The following AP1S3 variants were observed in gnomAD, a reference collection of about 807,000 sequenced individuals.
AP1S3 encodes adaptor related protein complex 1 subunit sigma 3.
Under a neutral mutation model 20.9 loss-of-function variants are expected in AP1S3, and 10 were observed. The observed-to-expected ratio is 0.48, with a 90% CI of 0.29 to 0.81. The LOEUF (loss-of-function observed/expected upper bound fraction) is 0.81. AP1S3 is among the 30% of genes least tolerant of loss of function. The probability of loss-of-function intolerance (pLI) is 0.08; values close to 1 mark genes in which losing one functional copy is unlikely to be tolerated. For missense variants in AP1S3, 154 were observed against 183.8 expected, an observed-to-expected ratio of 0.84 and a Z score of 0.94; for synonymous variants, 41 against 61.5, an observed-to-expected ratio of 0.67 and a Z score of 1.56.
At chr2:223,829,066 C>T (rs545446328) in intron 1 of AP1S3, among the ~76,000 whole-genome samples, 9 of 152,048 alleles carry the variant, frequency 5.9e-5, no homozygotes, top group East Asian at 3.9e-4. Flanking sequence ...GAACTCCTGA[C>T]GTGGTGATCC....
chr2:223,832,007 G>C (rs529559403), intron 1 of AP1S3, among the ~76,000 whole-genome samples: 25 of 152,030 alleles, frequency 1.6e-4, no homozygotes, highest in African/African-American at 5.8e-4. Flanking sequence ...AACCCGGGAG[G>C]CAGCGCTTGC....
At position 223,806,408 on chromosome 2, in the gene AP1S3, C is replaced by T. The variant is rs572128757; in HGVS notation, c.4-28539G>A. Among the ~76,000 whole-genome samples, 26 of 151,172 alleles carry T rather than the reference C, an allele frequency of 1.7e-4. 1 individual carries two copies. The South Asian group carries it at 5.4e-3, about 31-fold the overall frequency. On this transcript the variant is annotated intron_variant, in intron 1 of 4. Transcript: ENST00000396654. ...ACACCATTCTCCTGCCTCAACCTCT[C>T]GAGTAGGTGGGACTACAGGCGCTCG...
chr2:223,793,538 C>T (rs1691257360), intron 1 of AP1S3, among the ~76,000 whole-genome samples: 1 of 151,982 alleles, frequency 6.6e-6, no homozygotes, highest in Non-Finnish European at 1.5e-5. Context: ...CACATGGACA[C>T]ATTGGGGGGA....
intron 1 of AP1S3, among the ~76,000 whole-genome samples, chr2:223,790,143 G>A (rs1237247423): frequency 1.3e-5 from 2 of 151,696 alleles, no homozygotes; most frequent in African/African-American, 4.8e-5. Context: ...AAGACAAGAT[G>A]TCTACATCCA....
intron 1 of AP1S3, among the ~76,000 whole-genome samples, chr2:223,802,915 T>A (rs983156539): frequency 6.6e-6 from 1 of 152,202 alleles, no homozygotes; most frequent in Non-Finnish European, 1.5e-5. Flanking sequence ...GCTACATAAA[T>A]CAATATATGG....
intron 1 of AP1S3, among the ~76,000 whole-genome samples, chr2:223,794,385 T>A (rs1371695087): frequency 6.6e-6 from 1 of 151,958 alleles, no homozygotes; most frequent in Non-Finnish European, 1.5e-5. Flanking sequence ...ACAAAATAAA[T>A]TATCCAGGAG....
intron 1 of AP1S3, among the ~76,000 whole-genome samples, chr2:223,780,118 T>C (rs1158683757): frequency 6.6e-6 from 1 of 151,448 alleles, no homozygotes; most frequent in African/African-American, 2.4e-5. Flanking sequence ...CTCCCCCGGC[T>C]GCCTCACCAC....
At chr2:223,762,146 T>A (rs1488016823) in intron 4 of AP1S3, among the ~76,000 whole-genome samples, 3 of 151,832 alleles carry the variant, frequency 2.0e-5, no homozygotes, top group Non-Finnish European at 4.4e-5. Flanking sequence ...CTAATTTTTG[T>A]ATTTTTAGTA....
chr2:223,800,937 G>C (rs569353221), intron 1 of AP1S3, among the ~76,000 whole-genome samples: 1 of 152,328 alleles, frequency 6.6e-6, no homozygotes, highest in East Asian at 1.9e-4. Context: ...CAGTGGTACA[G>C]TTTGAGGCAG....
At chr2:223,835,409 C>G (rs1692372797) in intron 1 of AP1S3, among the ~76,000 whole-genome samples, 1 of 152,196 alleles carries the variant, frequency 6.6e-6, no homozygotes, top group South Asian at 2.1e-4. Flanking sequence ...GTAATGCCAG[C>G]ACTTTGGGAG....
Position 223,757,511 on chromosome 2 carries a change from C to T in AP1S3, c.*1204G>A. ...TCATATTGGCCAGGCTGCTCTCGAA[C>T]TCCTGACCTCAAGTGATCCACCTGC... is the stretch of plus-strand genomic sequence containing the variant. On this transcript the variant is annotated 3_prime_UTR_variant, in exon 5 of 5. Transcript: ENST00000396654. 8.6e-6 allele frequency: 7 copies of T among 816,008 alleles called. No homozygotes were observed. Among genetic ancestry groups the T allele is most frequent in the Non-Finnish European group, 1.0e-5 (7 of 675,532 alleles). The allele number at this position is 816,008 out of a possible 1,614,324, so 50.5% of individuals were successfully genotyped here.
At chr2:223,835,611 T>C (rs1179169841) in intron 1 of AP1S3, among the ~76,000 whole-genome samples, 3 of 152,130 alleles carry the variant, frequency 2.0e-5, no homozygotes, top group South Asian at 2.1e-4. Context: ...GCCAAGATCA[T>C]GCCACTGCAC....
chr2:223,837,439 C>G lies in AP1S3; in HGVS notation c.3+9G>C, dbSNP rs747747935. ...CGCCTACCCGGGCCGGCGGTTCCCCCGCACTCACCATCGTGGCTGGGCCGC... is the reference window on the plus strand; with the variant it reads ...CGCCTACCCGGGCCGGCGGTTCCCCGGCACTCACCATCGTGGCTGGGCCGC... On this transcript the variant is annotated intron_variant, in intron 1 of 4. Coordinates refer to ENST00000396654, the MANE Select transcript of AP1S3 (RefSeq NM_001039569.2). 52 of 1,267,012 alleles carry G rather than the reference C, an allele frequency of 4.1e-5. 1 individual carries two copies. In the East Asian group the frequency reaches 1.2e-3, roughly 30 times the overall value. The allele number at this position is 1,267,012 out of a possible 1,614,324, so 78.5% of individuals were successfully genotyped here.
At chr2:223,773,847 C>G (rs1436663958) in intron 3 of AP1S3, among the ~76,000 whole-genome samples, 2 of 152,140 alleles carry the variant, frequency 1.3e-5, no homozygotes, top group African/African-American at 2.4e-5. Flanking sequence ...TTTTCCAAAT[C>G]CAATGATTTA....
intron 3 of AP1S3, among the ~76,000 whole-genome samples, chr2:223,768,340 G>A (rs1690530786): frequency 6.6e-6 from 1 of 152,068 alleles, no homozygotes; most frequent in South Asian, 2.1e-4. Flanking sequence ...GGCATGTGGC[G>A]ATTCCCCACA....
Position 223,785,459 on chromosome 2 carries a change from T to A in AP1S3, c.4-7590A>T, listed in dbSNP as rs577536902. 8.5e-5 allele frequency among the ~76,000 whole-genome samples: 13 copies of A among 152,382 alleles called. No homozygotes were observed. In the South Asian group the frequency reaches 2.7e-3, roughly 32 times the overall value. ...AAATACACTAAATTGTTATAGTGGT[T>A]ATCTTACAACAGTGGAATTATAAAT... On this transcript the variant is annotated intron_variant, in intron 1 of 4. Coordinates refer to ENST00000396654, the MANE Select transcript of AP1S3 (RefSeq NM_001039569.2).
rs902107036 is a variant in AP1S3, at chr2:223,817,162, G to A, written c.3+20286C>T. Reference sequence around the variant, plus strand: ...CAATAGCCTGTAGGCAATAAAATTAGGCCTCCGTATGAGAGGTGGTCCAGT... The same window carrying A: ...CAATAGCCTGTAGGCAATAAAATTAAGCCTCCGTATGAGAGGTGGTCCAGT... On this transcript the variant is annotated intron_variant, in intron 1 of 4. Transcript: ENST00000396654. Among the ~76,000 whole-genome samples the A allele has an allele frequency of 5.9e-5, 9 of 152,198 alleles. No individual in the cohort carries two copies. The South Asian group carries it at 6.2e-4, about 11-fold the overall frequency.
At chr2:223,778,634 C>A (rs570731451) in intron 1 of AP1S3, among the ~76,000 whole-genome samples, 2 of 150,014 alleles carry the variant, frequency 1.3e-5, no homozygotes, top group Admixed American at 6.7e-5. Flanking sequence ...ATAAAGGGGA[C>A]AAGGAAAGGA....
chr2:223,827,405 TAG>T (rs1288213228), intron 1 of AP1S3, among the ~76,000 whole-genome samples: 1 of 152,192 alleles, frequency 6.6e-6, no homozygotes, highest in Non-Finnish European at 1.5e-5. Flanking sequence ...TGTTTTGAGA[TAG>T]AGTCTCACTT....
Sources: allele counts gnomAD v4.1 joint callset (sites outside exome capture counted in the v4.1 genomes callset), GRCh38; gene constraint gnomAD v4.1.1; transcripts MANE v1.5; gene names NCBI Gene and HGNC (gene_info 2026-07-23, HGNC 2026-07-21).